PM20D2: variants seen among roughly 807,000 people sequenced by gnomAD.
PM20D2 encodes the protein peptidase M20 domain containing 2.
In PM20D2, 33 loss-of-function variants were observed where a neutral mutation model predicts 42.9. The observed-to-expected ratio is 0.77, with a 90% CI of 0.58 to 1.03. The LOEUF (loss-of-function observed/expected upper bound fraction) is 1.03, where lower values mean the gene tolerates loss of function less well. PM20D2 is among the 50% of genes least tolerant of loss of function. The pLI is 0.00. For missense variants in PM20D2, 548 were observed against 557.0 expected (o/e 0.98, Z 0.16); for synonymous variants, 250 against 228.2 (o/e 1.10, Z -0.86).
upstream of PM20D2, among the ~76,000 whole-genome samples, chr6:89,145,398 A>G (rs758213084): frequency 1.3e-5 from 2 of 152,252 alleles, no homozygotes; most frequent in Admixed American, 6.5e-5. Context: ...ACAAAACAGT[A>G]TGAATATTTA....
Position 89,146,501 on chromosome 6 carries a change from C to T in PM20D2, c.357C>T (p.Gly119=), listed in dbSNP as rs1292184862. Residue 119 remains glycine, a synonymous_variant, in exon 1 of 7, where the codon GGC becomes GGT. Transcript: ENST00000275072. Reference sequence around the variant, plus strand: ...TCTGCGAGTACGACGCGCTGCCCGGCATCGGCCACGCCTGCGGCCACAACC... The same window carrying T: ...TCTGCGAGTACGACGCGCTGCCCGGTATCGGCCACGCCTGCGGCCACAACC... ...GFLCEYDALP[G]IGHACGHNLI... 2 of 1,523,484 alleles carry T rather than the reference C, an allele frequency of 1.3e-6. No individual in the cohort carries two copies. Among genetic ancestry groups the T allele is most frequent in the African/African-American group, 1.4e-5 (1 of 70,660 alleles). The allele number at this position is 1,523,484 out of a possible 1,614,324, so 94.4% of individuals were successfully genotyped here. A position where few individuals can be genotyped will look rare whatever the true frequency, so the allele number is the denominator to read the frequency against.
the PM20D2 span, among the ~76,000 whole-genome samples, chr6:89,101,595 G>A: frequency 6.6e-6 from 1 of 152,046 alleles, no homozygotes; most frequent in African/African-American, 2.4e-5. Flanking sequence ...GGTGGCGGGA[G>A]GCTGAGGCAG....
At chr6:89,099,967 A>G in the PM20D2 span, among the ~76,000 whole-genome samples, 2 of 152,166 alleles carry the variant, frequency 1.3e-5, no homozygotes, top group East Asian at 1.9e-4. Flanking sequence ...CCATTTTTCA[A>G]ATGACAGCAT....
At chr6:89,107,210 G>A in the PM20D2 span, 16 of 1,613,788 alleles carry the variant, frequency 9.9e-6, no homozygotes, top group African/African-American at 2.7e-5. Flanking sequence ...GAATGTAAAC[G>A]TCTACTATAG....
the PM20D2 span, among the ~76,000 whole-genome samples, chr6:89,118,434 C>T: frequency 6.6e-6 from 1 of 152,196 alleles, no homozygotes; most frequent in Non-Finnish European, 1.5e-5. Context: ...GGCCTCCTGC[C>T]CCTCTGGTCT....
intron 4 of PM20D2, among the ~76,000 whole-genome samples, chr6:89,155,114 T>C (rs1014889907): frequency 4.6e-5 from 7 of 152,206 alleles, no homozygotes; most frequent in Non-Finnish European, 7.3e-5. Flanking sequence ...ATCTTACTTA[T>C]ATAGTAATTA....
the PM20D2 span, among the ~76,000 whole-genome samples, chr6:89,125,911 C>G: frequency 6.6e-6 from 1 of 151,820 alleles, no homozygotes; most frequent in East Asian, 1.9e-4. Context: ...CATGGCAAAA[C>G]CCCATCTCTA....
chr6:89,154,110 T>C (rs1274018403), intron 3 of PM20D2, among the ~76,000 whole-genome samples: 1 of 152,228 alleles, frequency 6.6e-6, no homozygotes, highest in Non-Finnish European at 1.5e-5. Flanking sequence ...TTAGTTTCTT[T>C]AAAAGGAACA....
At chr6:89,122,247 GAAA>G in the PM20D2 span, among the ~76,000 whole-genome samples, 1 of 152,166 alleles carries the variant, frequency 6.6e-6, no homozygotes, top group Non-Finnish European at 1.5e-5. Flanking sequence ...TTGTCTCTTA[GAAA>G]CATCTATTCT....
chr6:89,135,840 A>G, the PM20D2 span, among the ~76,000 whole-genome samples: 2,903 of 151,364 alleles, frequency 0.019, 53 homozygotes, highest in Non-Finnish European at 0.032. Flanking sequence ...ACAGTTTTAC[A>G]TATCTGGTGA....
At chr6:89,161,984 T>C in intron 6 of PM20D2, 94 bp downstream of exon 6, 1 of 1,469,888 alleles carries the variant, frequency 6.8e-7, no homozygotes, top group Non-Finnish European at 9.5e-7. Context: ...CTACATAACA[T>C]CACCTCAGTA....
At chr6:89,107,943 T>A in the PM20D2 span, among the ~76,000 whole-genome samples, 1 of 152,220 alleles carries the variant, frequency 6.6e-6, no homozygotes, top group Non-Finnish European at 1.5e-5. Context: ...ATTGTTTCAC[T>A]AAGAACACAT....
the PM20D2 span, chr6:89,106,755 A>C: frequency 2.9e-5 from 10 of 343,156 alleles, no homozygotes; most frequent in Non-Finnish European, 5.2e-5. Flanking sequence ...AGAGACGCAG[A>C]ACCAACAAAA....
At position 89,164,726 on chromosome 6, in the gene PM20D2, C is replaced by CA. The variant is rs1037120727; in HGVS notation, c.*2467dup. On this transcript the variant is annotated 3_prime_UTR_variant, in exon 7 of 7. Transcript: ENST00000275072. ...TGTAGAAAACTGAAAGAAAACAAGA[C>CA]AAAATGTCTATGGTAGGGAATAAAA... The CA allele has an allele frequency of 2.0e-5, 3 of 152,098 alleles. No homozygotes were observed. The highest frequency in any genetic ancestry group is 4.4e-5 in the Non-Finnish European group (3 of 67,902). 9.4% of individuals were successfully genotyped at this position (152,098 alleles called of 1,614,324 possible).
At chr6:89,130,353 C>T in the PM20D2 span, among the ~76,000 whole-genome samples, 1,355 of 151,390 alleles carry the variant, frequency 9.0e-3, 16 homozygotes, top group African/African-American at 0.031. Flanking sequence ...CCTGCTGTGG[C>T]CTCCCAAAGT....
Position 89,163,097 on chromosome 6 carries a change from T to G in PM20D2, c.*834T>G, listed in dbSNP as rs541588460. 11 of 152,278 alleles carry G rather than the reference T, an allele frequency of 7.2e-5. No homozygotes were observed. Among genetic ancestry groups the G allele is most frequent in the African/African-American group, 2.6e-4 (11 of 41,576 alleles). The allele number at this position is 152,278 out of a possible 1,614,324, so 9.4% of individuals were successfully genotyped here. A position where few individuals can be genotyped will look rare whatever the true frequency, so the allele number is the denominator to read the frequency against. Reference sequence around the variant, plus strand: ...GTGTCTTTTTAATACACATGTGTGTTGGTATTTTTAAATTGTTACAGTATC... The same window carrying G: ...GTGTCTTTTTAATACACATGTGTGTGGGTATTTTTAAATTGTTACAGTATC... On this transcript the variant is annotated 3_prime_UTR_variant, in exon 7 of 7. Transcript: ENST00000275072.
chr6:89,161,863 C>T lies in PM20D2; in HGVS notation c.1129C>T (p.His377Tyr), dbSNP rs769562328. The T allele has an allele frequency of 6.2e-7, 1 of 1,612,514 alleles. No individual in the cohort carries two copies. The highest frequency in any genetic ancestry group is 1.3e-5 in the African/African-American group (1 of 74,900). The change falls in exon 6 of 7, where the codon CAT becomes TAT. Residue 377 changes from histidine to tyrosine, a missense_variant. His to Tyr is a moderately conservative substitution (Grantham distance 83). Around this residue, in one of 3 missense-constraint regions of PM20D2, gnomAD observed 71 missense variants for 69.7 expected, o/e 1.02. Transcript: ENST00000275072. The part of the protein sequence containing the change: ...YFHIGSNALN[H>Y]TEQYTEAAGS... ...TCACATTGGATCTAATGCCTTGAATCATACTGAACAGTACACTGAAGCTGC... is the reference window on the plus strand; with the variant it reads ...TCACATTGGATCTAATGCCTTGAATTATACTGAACAGTACACTGAAGCTGC...
chr6:89,139,102 T>G, the PM20D2 span, among the ~76,000 whole-genome samples: 250 of 152,338 alleles, frequency 1.6e-3, 6 homozygotes, highest in East Asian at 0.044. Flanking sequence ...CTTTGCTTTT[T>G]TTTTAGAGAC....
the PM20D2 span, among the ~76,000 whole-genome samples, chr6:89,116,769 T>G: frequency 8.0e-6 from 1 of 125,492 alleles, no homozygotes; most frequent in African/African-American, 3.1e-5. Context: ...GAGCGAGACT[T>G]TGTCTAAAAA....
Sources: allele counts gnomAD v4.1 joint callset (sites outside exome capture counted in the v4.1 genomes callset), GRCh38; gene constraint gnomAD v4.1.1; regional missense constraint gnomAD v4.1.1; transcripts MANE v1.5; gene names NCBI Gene and HGNC (gene_info 2026-07-23, HGNC 2026-07-21).